The following ZNRF1 variants were observed in gnomAD, a reference collection of about 807,000 sequenced individuals.
The protein encoded by ZNRF1 is E3 ubiquitin-protein ligase ZNRF1.
A neutral mutation model predicts 18.4 loss-of-function variants in ZNRF1; 3 were observed. The ratio of observed to expected loss-of-function variants is 0.16; its 90% confidence interval spans 0.07 to 0.42. The LOEUF (loss-of-function observed/expected upper bound fraction) is 0.42. Ranked by LOEUF, ZNRF1 falls within the 10% of genes least tolerant of loss-of-function variation. ZNRF1 has a pLI of 0.99. For missense variants in ZNRF1, 310 were observed against 329.8 expected (o/e 0.94, Z 0.47); for synonymous variants, 157 against 144.2 (o/e 1.09, Z -0.64).
intron 1 of ZNRF1, among the ~76,000 whole-genome samples, chr16:75,037,451 C>T (rs572312165): frequency 3.3e-5 from 5 of 152,140 alleles, no homozygotes; most frequent in Non-Finnish European, 7.4e-5. Context: ...GATTATCATG[C>T]CTCAGCCTCC....
At chr16:75,077,129 G>A (rs866704297) in intron 1 of ZNRF1, among the ~76,000 whole-genome samples, 1 of 152,144 alleles carries the variant, frequency 6.6e-6, no homozygotes, top group Non-Finnish European at 1.5e-5. Flanking sequence ...ATGGTGGCTC[G>A]TGCCTGTAAT....
At chr16:75,075,352 C>T (rs1486107120) in intron 1 of ZNRF1, among the ~76,000 whole-genome samples, 41 of 152,242 alleles carry the variant, frequency 2.7e-4, no homozygotes, top group Admixed American at 2.4e-3. Context: ...TGATCGTTCT[C>T]TGCACCCCTT....
At chr16:75,009,234 CT>C (rs1426051545) in intron 1 of ZNRF1, among the ~76,000 whole-genome samples, 1 of 152,176 alleles carries the variant, frequency 6.6e-6, no homozygotes, top group Non-Finnish European at 1.5e-5. Context: ...CACTTCTGTG[CT>C]GGCTCCCCTC....
intron 1 of ZNRF1, among the ~76,000 whole-genome samples, chr16:75,090,212 G>C (rs1002880447): frequency 6.6e-6 from 1 of 152,180 alleles, no homozygotes; most frequent in Non-Finnish European, 1.5e-5. Context: ...TCTGTGAGAC[G>C]CAGGTTTACA....
At chr16:75,038,597 C>G (rs1238070322) in intron 1 of ZNRF1, among the ~76,000 whole-genome samples, 1 of 152,168 alleles carries the variant, frequency 6.6e-6, no homozygotes, top group Non-Finnish European at 1.5e-5. Context: ...ACTATTGTTG[C>G]AACTATCTTT....
intron 1 of ZNRF1, among the ~76,000 whole-genome samples, chr16:75,054,814 C>T (rs1347109510): frequency 6.6e-6 from 1 of 152,246 alleles, no homozygotes; most frequent in Non-Finnish European, 1.5e-5. Context: ...TGCTCCATGG[C>T]AATGGTGCTT....
intron 2 of ZNRF1, 40 bp downstream of exon 2, chr16:75,093,707 G>A (rs760497026): frequency 1.9e-5 from 30 of 1,556,310 alleles, no homozygotes; most frequent in Admixed American, 3.3e-5. Flanking sequence ...CAGAGCATCC[G>A]TCGGGGGAGC....
chr16:75,075,090 A>C (rs1597897075), intron 1 of ZNRF1, among the ~76,000 whole-genome samples: 1 of 10,054 alleles, frequency 9.9e-5, no homozygotes, highest in Non-Finnish European at 1.9e-4. Flanking sequence ...GGGCACTTCC[A>C]GGTGGGGGTG....
chr16:75,074,180 C>G (rs970188618), intron 1 of ZNRF1, among the ~76,000 whole-genome samples: 1 of 152,136 alleles, frequency 6.6e-6, no homozygotes, highest in Non-Finnish European at 1.5e-5. Flanking sequence ...TGTCCGTGAC[C>G]GTTGCTAGAC....
chr16:75,064,579 G>T (rs1036442765), intron 1 of ZNRF1, among the ~76,000 whole-genome samples: 1 of 149,264 alleles, frequency 6.7e-6, no homozygotes, highest in Admixed American at 6.7e-5. Flanking sequence ...AAAAAAAAGC[G>T]TGCTTAGAGC....
intron 2 of ZNRF1, among the ~76,000 whole-genome samples, chr16:75,097,366 T>G (rs1354820031): frequency 6.6e-6 from 1 of 152,064 alleles, no homozygotes; most frequent in Non-Finnish European, 1.5e-5. Context: ...GGCGGCAGGT[T>G]CATTTGCCAG....
intron 1 of ZNRF1, among the ~76,000 whole-genome samples, chr16:75,046,416 T>A (rs940609730): frequency 1.3e-5 from 2 of 149,732 alleles, no homozygotes; most frequent in Non-Finnish European, 3.0e-5. Flanking sequence ...CACGCCCAGC[T>A]AAGTTTTGTA....
chr16:75,087,743 CTCTG>C (rs1037858586), intron 1 of ZNRF1, among the ~76,000 whole-genome samples: 3 of 152,270 alleles, frequency 2.0e-5, no homozygotes, highest in African/African-American at 7.2e-5. Context: ...CTGCCTCTGC[CTCTG>C]TCTGGTGGGA....
chr16:75,074,788 C>T (rs1392910099), intron 1 of ZNRF1, among the ~76,000 whole-genome samples: 3 of 152,036 alleles, frequency 2.0e-5, no homozygotes, highest in Non-Finnish European at 2.9e-5. Context: ...TTTTTTTAGG[C>T]CCAGTGCAGT....
chr16:75,045,705 T>A (rs112778737), intron 1 of ZNRF1, among the ~76,000 whole-genome samples: 1 of 151,332 alleles, frequency 6.6e-6, no homozygotes, highest in South Asian at 2.1e-4. Flanking sequence ...CAGCTGAATC[T>A]TCTTCTTCGT....
At chr16:75,056,638 ATTCCTTTGAGACAGTT>A (rs937290640) in intron 1 of ZNRF1, among the ~76,000 whole-genome samples, 8 of 144,918 alleles carry the variant, frequency 5.5e-5, no homozygotes, top group Admixed American at 4.1e-4. Context: ...TTTTTTTTTT[ATTCCTTTGAGACAGTT>A]TTCCTCTTGT....
intron 1 of ZNRF1, among the ~76,000 whole-genome samples, chr16:75,073,126 C>CTT (rs2145402712): frequency 8.6e-6 from 1 of 116,942 alleles, no homozygotes; most frequent in African/African-American, 3.1e-5. Context: ...CCATCTCTCT[C>CTT]TCTCTCTCTC....
At chr16:75,102,665 G>A (rs1425207627) in intron 2 of ZNRF1, among the ~76,000 whole-genome samples, 1 of 152,060 alleles carries the variant, frequency 6.6e-6, no homozygotes, top group Non-Finnish European at 1.5e-5. Flanking sequence ...TTTCTCCCTG[G>A]ACTGCCTCTT....
chr16:75,009,504 C>T lies in ZNRF1; in HGVS notation c.424+9409C>T, dbSNP rs575884726. 2.0e-5 allele frequency among the ~76,000 whole-genome samples: 3 copies of T among 152,286 alleles called. No individual in the cohort carries two copies. In the South Asian group the frequency reaches 6.2e-4, roughly 32 times the overall value. On this transcript the variant is annotated intron_variant, in intron 1 of 4. Transcript: ENST00000335325. ...GAATCGTATTCCATTGTCTGTCTAC[C>T]ACGTTTTACTTTTCCATTCATCTGT...
Sources: allele counts gnomAD v4.1 joint callset (sites outside exome capture counted in the v4.1 genomes callset), GRCh38; gene constraint gnomAD v4.1.1; transcripts MANE v1.5; gene names NCBI Gene and HGNC (gene_info 2026-07-23, HGNC 2026-07-21).